Variants in CA5A observed in about 807,000 individuals in gnomAD.
The protein encoded by CA5A is carbonic anhydrase 5A, mitochondrial.
Under a neutral mutation model 37.1 loss-of-function variants are expected in CA5A, and 28 were observed. The observed-to-expected ratio is 0.75, with a 90% CI of 0.56 to 1.03. The LOEUF (loss-of-function observed/expected upper bound fraction) is 1.03, where lower values mean the gene tolerates loss of function less well. Among genes scored for constraint, CA5A ranks in the 50% least tolerant of loss-of-function variants. The pLI, the probability that CA5A is intolerant of heterozygous loss-of-function variation, is 0.00. For synonymous variants in CA5A, 171 were observed against 158.4 expected (o/e 1.08, Z -0.60); for missense variants, 444 against 399.9 (o/e 1.11, Z -0.94).
chr16:87,926,078 C>T (rs1261048116), intron 2 of CA5A, among the ~76,000 whole-genome samples: 1 of 152,148 alleles, frequency 6.6e-6, no homozygotes, highest in Non-Finnish European at 1.5e-5. Context: ...CAAAAATTAG[C>T]TGGGCATGGT....
In CA5A at chr16:87,936,316, A is replaced by G; in HGVS notation, c.135T>C (p.Asn45=). Residue 45 remains asparagine, a synonymous_variant, in exon 1 of 7, where the codon AAT becomes AAC. Coordinates refer to ENST00000649794, the MANE Select transcript of CA5A (RefSeq NM_001739.2). ...SQRSCAWQTS[N]NTLHPLWTVP... ...ATTTGAGGCTCTACTTACAAGTGTT[A>G]TTGCTGGTTTGCCATGCACAGGAAC... is the stretch of plus-strand genomic sequence containing the variant. The G allele has an allele frequency of 6.2e-7, 1 of 1,612,298 alleles. No individual in the cohort carries two copies. Among genetic ancestry groups the G allele is most frequent in the South Asian group, 1.1e-5 (1 of 91,022 alleles).
intron 2 of CA5A, among the ~76,000 whole-genome samples, chr16:87,910,055 C>T (rs1370294575): frequency 6.6e-6 from 1 of 151,982 alleles, no homozygotes; most frequent in Middle Eastern, 3.2e-3. Flanking sequence ...AAGTCCTTAG[C>T]ACAACGCTTG....
At chr16:87,895,330 G>C (rs1037112017) in intron 5 of CA5A, among the ~76,000 whole-genome samples, 10 of 152,174 alleles carry the variant, frequency 6.6e-5, no homozygotes, top group African/African-American at 2.4e-4. Context: ...TGGATCACCT[G>C]AGGTCAGGAG....
chr16:87,934,764 A>G (rs1224608296), intron 1 of CA5A, among the ~76,000 whole-genome samples: 2 of 152,218 alleles, frequency 1.3e-5, no homozygotes, highest in East Asian at 3.9e-4. Context: ...GTTTGAGACC[A>G]GCCTGGCCAA....
chr16:87,899,800 C>T (rs955399825), intron 5 of CA5A, among the ~76,000 whole-genome samples: 1 of 150,684 alleles, frequency 6.6e-6, no homozygotes, highest in African/African-American at 2.4e-5. Context: ...GGCGCCGGTA[C>T]TTCCAGCTAC....
Position 87,888,047 on chromosome 16 carries a change from T to C in CA5A, c.*82A>G, listed in dbSNP as rs1407460573. 5.3e-6 allele frequency: 8 copies of C among 1,509,956 alleles called. No homozygotes were observed. Among genetic ancestry groups the C allele is most frequent in the Admixed American group, 4.4e-5 (2 of 45,140 alleles). The allele number at this position is 1,509,956 out of a possible 1,614,324, so 93.5% of individuals were successfully genotyped here. Reference sequence around the variant, plus strand: ...GCTCTCTTTTTAATTTCAGAAGTCATGTACAATCACATTGTGAAACTTGGG... The same window carrying C: ...GCTCTCTTTTTAATTTCAGAAGTCACGTACAATCACATTGTGAAACTTGGG... On this transcript the variant is annotated 3_prime_UTR_variant, in exon 7 of 7. Coordinates refer to ENST00000649794, the MANE Select transcript of CA5A (RefSeq NM_001739.2).
chr16:87,925,778 T>C (rs2056297472), intron 2 of CA5A, among the ~76,000 whole-genome samples: 1 of 152,136 alleles, frequency 6.6e-6, no homozygotes, highest in Non-Finnish European at 1.5e-5. Flanking sequence ...GCTTGGTGGC[T>C]TTCAGGACCT....
intron 2 of CA5A, among the ~76,000 whole-genome samples, chr16:87,906,204 C>T (rs968690371): frequency 4.5e-5 from 6 of 132,620 alleles, no homozygotes; most frequent in African/African-American, 1.3e-4. Flanking sequence ...CAGGGTGGCC[C>T]GAGTGCCTCC....
chr16:87,934,697 C>T (rs1403567885), intron 1 of CA5A, among the ~76,000 whole-genome samples: 3 of 152,178 alleles, frequency 2.0e-5, no homozygotes, highest in Non-Finnish European at 2.9e-5. Flanking sequence ...CAGTGGCTCA[C>T]GCCTGTAATC....
chr16:87,928,734 C>G (rs1165574739), intron 1 of CA5A, among the ~76,000 whole-genome samples: 2 of 130,082 alleles, frequency 1.5e-5, no homozygotes, highest in Non-Finnish European at 3.3e-5. Flanking sequence ...TCTCTGTATT[C>G]TCATCTGGAT....
chr16:87,910,186 GC>G (rs1353721589), intron 2 of CA5A, among the ~76,000 whole-genome samples: 1 of 152,242 alleles, frequency 6.6e-6, no homozygotes, highest in African/African-American at 2.4e-5. Flanking sequence ...GCCAGGTTCT[GC>G]CGTGTCCCGG....
chr16:87,929,552 G>T (rs1038973366), intron 1 of CA5A, among the ~76,000 whole-genome samples: 7 of 151,204 alleles, frequency 4.6e-5, no homozygotes, highest in African/African-American at 1.7e-4. Flanking sequence ...TAATCAACTT[G>T]AAAAAATTTT....
At chr16:87,899,661 G>A (rs1272282502) in intron 5 of CA5A, among the ~76,000 whole-genome samples, 8 of 149,484 alleles carry the variant, frequency 5.4e-5, no homozygotes, top group Admixed American at 1.3e-4. Context: ...GGTTCACGCC[G>A]GTAATCCCAG....
Position 87,901,713 on chromosome 16 carries a change from G to A in CA5A, c.618+199C>T, listed in dbSNP as rs181147893. ...AACGATTCTCCTGCCTCAGCCTCCCGAGTAGCTGGGATTGCAGGCATGTGC... is the reference window on the plus strand; with the variant it reads ...AACGATTCTCCTGCCTCAGCCTCCCAAGTAGCTGGGATTGCAGGCATGTGC... On this transcript the variant is annotated intron_variant, in intron 5 of 6. Transcript: ENST00000649794. Among the ~76,000 whole-genome samples the A allele has an allele frequency of 7.1e-3, 1,068 of 151,454 alleles. 12 individuals carry two copies. The highest frequency in any genetic ancestry group is 0.022 in the African/African-American group (918 of 41,262).
chr16:87,923,803 CAGG>C, intron 2 of CA5A: 1 of 985,278 alleles, frequency 1.0e-6, no homozygotes, highest in Non-Finnish European at 1.2e-6. Context: ...AAAAATTATC[CAGG>C]AGGAATATGA....
chr16:87,905,089 C>A (rs188966548), intron 2 of CA5A, among the ~76,000 whole-genome samples, 185 bp from the exon 3 acceptor site: 5 of 144,214 alleles, frequency 3.5e-5, no homozygotes, highest in South Asian at 4.2e-4. Flanking sequence ...TTCACTCTGC[C>A]CCCCCCCAGC....
intron 4 of CA5A, among the ~76,000 whole-genome samples, chr16:87,902,203 A>G (rs1243190775): frequency 6.6e-6 from 1 of 151,878 alleles, no homozygotes; most frequent in East Asian, 1.9e-4. Flanking sequence ...AAAATACAAA[A>G]ATTAGCTGGG....
chr16:87,891,886 G>T lies in CA5A; in HGVS notation c.687C>A (p.Thr229=). ...TLLPTCWDYW[T]YAGSLTTPPL... ...GCGGGGTGGTGAGCGAGCCCGCGTA[G>T]GTCCAGTAATCCCAGCAGGTGGGCA... The change falls in exon 6 of 7, where the codon ACC becomes ACA. Residue 229 remains threonine (T), a synonymous_variant. Transcript: ENST00000649794. 1 of 1,574,992 alleles carries T rather than the reference G, an allele frequency of 6.3e-7. No homozygotes were observed. Among genetic ancestry groups the T allele is most frequent in the Non-Finnish European group, 8.6e-7 (1 of 1,161,860 alleles).
intron 5 of CA5A, chr16:87,893,680 C>T (rs971575402): frequency 5.4e-6 from 3 of 553,766 alleles, no homozygotes; most frequent in Non-Finnish European, 1.0e-5. Context: ...GCTGGGTCAG[C>T]AACCGAATTC....
Sources: gnomAD v4.1 joint callset for allele counts (sites outside exome capture counted in the v4.1 genomes callset) on GRCh38, gnomAD v4.1.1 for gene constraint, MANE v1.5 for transcripts, NCBI Gene and HGNC (gene_info 2026-07-23, HGNC 2026-07-21) for gene names.